IMPG1: variants seen among roughly 807,000 people sequenced by gnomAD.
IMPG1 encodes interphotoreceptor matrix proteoglycan 1, also known as interphotoreceptor matrix proteoglycan of 150 kDa.
IMPG1 carries 85 observed loss-of-function variants against 92.0 expected under a neutral mutation model. The observed-to-expected ratio is 0.92, with a 90% CI of 0.78 to 1.11. The LOEUF (loss-of-function observed/expected upper bound fraction) is 1.11, where lower values mean the gene tolerates loss of function less well. Among genes scored for constraint, IMPG1 ranks in the 50% least tolerant of loss-of-function variants. The pLI, the probability that IMPG1 is intolerant of heterozygous loss-of-function variation, is 0.00. For synonymous variants in IMPG1, 367 were observed against 334.1 expected, an observed-to-expected ratio of 1.10 and a Z score of -1.08; for missense variants, 1,022 against 956.0, an observed-to-expected ratio of 1.07 and a Z score of -0.91.
intron 12 of IMPG1, among the ~76,000 whole-genome samples, chr6:75,976,333 G>A (rs1251811200): frequency 6.6e-6 from 1 of 152,168 alleles, no homozygotes; most frequent in Admixed American, 6.5e-5. Context: ...GGGAGACCAA[G>A]GCAGGCCACT....
chr6:76,060,073 G>T (rs1380008925), intron 1 of IMPG1, among the ~76,000 whole-genome samples: 10 of 152,062 alleles, frequency 6.6e-5, no homozygotes, highest in Non-Finnish European at 1.5e-4. Context: ...AATTTCTTTT[G>T]GTTTAGTTTT....
At chr6:76,021,786 T>TATATATATATATATATATAC (rs1219118081) in intron 6 of IMPG1, among the ~76,000 whole-genome samples, 1 of 136,014 alleles carries the variant, frequency 7.4e-6, no homozygotes, top group Non-Finnish European at 1.6e-5. Flanking sequence ...AGCATATATA[T>TATATATATATATATATATAC]ATATATATAT....
intron 1 of IMPG1, among the ~76,000 whole-genome samples, chr6:76,066,832 T>C (rs1385621691): frequency 6.6e-6 from 1 of 152,054 alleles, no homozygotes; most frequent in Non-Finnish European, 1.5e-5. Context: ...TTTAAATAAA[T>C]TGAAATTATA....
chr6:75,999,122 G>GCTGGGATTACAGGCATGA (rs2149475687), intron 12 of IMPG1, among the ~76,000 whole-genome samples: 1 of 152,248 alleles, frequency 6.6e-6, no homozygotes, highest in East Asian at 1.9e-4. Context: ...CTCCCAAAGT[G>GCTGGGATTACAGGCATGA]CTGGGATTAC....
intron 12 of IMPG1, among the ~76,000 whole-genome samples, chr6:75,963,917 T>C (rs1430311702): frequency 1.3e-5 from 2 of 152,200 alleles, no homozygotes; most frequent in Admixed American, 6.5e-5. Context: ...AATGGTTACC[T>C]GGGGAAAGTT....
At chr6:76,021,129 A>G (rs1783416208) in intron 6 of IMPG1, among the ~76,000 whole-genome samples, 1 of 152,194 alleles carries the variant, frequency 6.6e-6, no homozygotes, top group Non-Finnish European at 1.5e-5. Context: ...CTTCAAAAGA[A>G]CCTTGGTCTA....
At chr6:76,033,068 C>A (rs1783678395) in intron 4 of IMPG1, among the ~76,000 whole-genome samples, 1 of 152,074 alleles carries the variant, frequency 6.6e-6, no homozygotes, top group African/African-American at 2.4e-5. Context: ...GAGTGTAGTA[C>A]CCCAGAGGTT....
At chr6:75,979,631 C>A (rs185077529) in intron 12 of IMPG1, among the ~76,000 whole-genome samples, 160 of 152,230 alleles carry the variant, frequency 1.1e-3, no homozygotes, top group African/African-American at 3.5e-3. Context: ...TAGGGAGAGT[C>A]CAGAAGCTGA....
At chr6:75,932,473 C>T (rs966744404) in intron 14 of IMPG1, among the ~76,000 whole-genome samples, 1 of 152,134 alleles carries the variant, frequency 6.6e-6, no homozygotes, top group African/African-American at 2.4e-5. Context: ...AAACTTTAAG[C>T]TTTAGGCAAA....
At chr6:75,984,597 T>G (rs1414534049) in intron 12 of IMPG1, among the ~76,000 whole-genome samples, 1 of 152,248 alleles carries the variant, frequency 6.6e-6, no homozygotes, top group Non-Finnish European at 1.5e-5. Flanking sequence ...TTAATTAGCT[T>G]GATTTTGGTA....
chr6:75,972,537 C>T (rs752554444), intron 12 of IMPG1, among the ~76,000 whole-genome samples: 4 of 152,124 alleles, frequency 2.6e-5, no homozygotes, highest in African/African-American at 4.8e-5. Context: ...TCATGACCTC[C>T]GTAAGACTTG....
intron 4 of IMPG1, among the ~76,000 whole-genome samples, chr6:76,026,801 C>T (rs1783546909): frequency 6.6e-6 from 1 of 152,170 alleles, no homozygotes; most frequent in African/African-American, 2.4e-5. Context: ...CCCCCAACAA[C>T]TATCACTGTG....
intron 12 of IMPG1, among the ~76,000 whole-genome samples, chr6:75,978,151 C>G (rs1408835557): frequency 6.6e-6 from 1 of 151,686 alleles, no homozygotes; most frequent in Non-Finnish European, 1.5e-5. Flanking sequence ...TTATATTTCC[C>G]ACAATAAACC....
At chr6:75,940,342 T>C (rs2313752) in intron 14 of IMPG1, among the ~76,000 whole-genome samples, 85,689 of 152,014 alleles carry the variant, frequency 0.56, 24,844 homozygotes, top group Non-Finnish European at 0.65. Context: ...CTGGTTTTCT[T>C]TCAAATATTT....
chr6:76,002,237 C>T (rs1207462332), intron 12 of IMPG1, among the ~76,000 whole-genome samples: 1 of 152,064 alleles, frequency 6.6e-6, no homozygotes, highest in Non-Finnish European at 1.5e-5. Context: ...ATTTTTTGCA[C>T]TAAAAAAGGC....
chr6:75,931,023 G>A lies in IMPG1; in HGVS notation c.2173C>T (p.Leu725=). ...GYDSQGSLDG[L]EPGLCGPGTK... is the part of the protein sequence containing the mutation. ...CCAGGGCCACAGAGGCCTGGTTCCAGACCGTCCAGGCTCCCCTGGCTGTCA... is the reference window on the plus strand; with the variant it reads ...CCAGGGCCACAGAGGCCTGGTTCCAAACCGTCCAGGCTCCCCTGGCTGTCA... The change falls in exon 15 of 17, where the codon CTG becomes TTG. Residue 725 remains leucine, a synonymous_variant. Coordinates refer to ENST00000369950, the MANE Select transcript of IMPG1 (RefSeq NM_001563.4). 6.2e-7 allele frequency: 1 copy of A among 1,614,170 alleles called. No homozygotes were observed. The highest frequency in any genetic ancestry group is 8.5e-7 in the Non-Finnish European group (1 of 1,180,018).
chr6:75,987,747 C>G (rs1025008165), intron 12 of IMPG1, among the ~76,000 whole-genome samples: 6 of 151,896 alleles, frequency 4.0e-5, no homozygotes, highest in African/African-American at 7.3e-5. Flanking sequence ...CGGGTTCACG[C>G]CATTCTCCTG....
At chr6:76,013,111 G>A (rs1783219243) in intron 7 of IMPG1, among the ~76,000 whole-genome samples, 1 of 152,146 alleles carries the variant, frequency 6.6e-6, no homozygotes, top group Admixed American at 6.5e-5. Context: ...TTCTGGGTGT[G>A]TTGGGAGAGG....
intron 1 of IMPG1, among the ~76,000 whole-genome samples, chr6:76,057,617 C>A (rs1784141760): frequency 6.6e-6 from 1 of 152,078 alleles, no homozygotes; most frequent in African/African-American, 2.4e-5. Context: ...GTAAAATTCC[C>A]TCTTAAGGGT....
Sources: gnomAD v4.1 joint callset for allele counts (sites outside exome capture counted in the v4.1 genomes callset) on GRCh38, gnomAD v4.1.1 for gene constraint, MANE v1.5 for transcripts, NCBI Gene and HGNC (gene_info 2026-07-23, HGNC 2026-07-21) for gene names.